The following TEX11 variants were observed in gnomAD, a reference collection of about 807,000 sequenced individuals.
TEX11 encodes testis-expressed protein 11.
In TEX11, 7 loss-of-function variants were observed where a neutral mutation model predicts 84.4. The ratio of observed to expected loss-of-function variants is 0.08; its 90% CI spans 0.05 to 0.16. The LOEUF (loss-of-function observed/expected upper bound fraction) is 0.16. TEX11 is among the 10% of genes least tolerant of loss of function. The pLI is 1.00. For missense variants in TEX11, 551 were observed against 660.5 expected, an observed-to-expected ratio of 0.83 and a Z score of 1.82; for synonymous variants, 264 against 222.8, an observed-to-expected ratio of 1.18 and a Z score of -1.64.
intron 12 of TEX11, among the ~76,000 whole-genome samples, chrX:70,724,666 G>A (rs2090585982): frequency 9.0e-6 from 1 of 111,228 alleles, no homozygotes; most frequent in Admixed American, 9.6e-5. Flanking sequence ...AATAACTACA[G>A]TAATAGGTAA....
intron 9 of TEX11, among the ~76,000 whole-genome samples, chrX:70,782,712 TA>T (rs1350467778): frequency 1.2e-5 from 1 of 81,413 alleles, no homozygotes; most frequent in Non-Finnish European, 2.3e-5. Flanking sequence ...TTTAAACCAG[TA>T]AAGATCAAAA....
At chrX:70,733,537 A>G (rs1420236033) in intron 11 of TEX11, among the ~76,000 whole-genome samples, 1 of 112,167 alleles carries the variant, frequency 8.9e-6, no homozygotes, top group Non-Finnish European at 1.9e-5. Flanking sequence ...ATACAGCCAA[A>G]AAAAACACAT....
chrX:70,793,687 T>C (rs1337717247), intron 9 of TEX11, among the ~76,000 whole-genome samples: 1 of 111,645 alleles, frequency 9.0e-6, no homozygotes, highest in Non-Finnish European at 1.9e-5. Flanking sequence ...TTTTTTCTTA[T>C]AAATTAAAAC....
intron 9 of TEX11, among the ~76,000 whole-genome samples, chrX:70,753,294 C>A (rs1204182774): frequency 3.6e-5 from 4 of 110,800 alleles, no homozygotes; most frequent in African/African-American, 1.3e-4. Flanking sequence ...TCTCTCCTAA[C>A]CCCAGGCTGC....
intron 20 of TEX11, among the ~76,000 whole-genome samples, chrX:70,615,348 ATAAT>A (rs1273265757): frequency 7.1e-5 from 8 of 112,017 alleles, no homozygotes; most frequent in African/African-American, 2.3e-4. Flanking sequence ...AGAAATTAAA[ATAAT>A]TAAGAATCAA....
chrX:70,685,130 G>A (rs781429477), intron 13 of TEX11, among the ~76,000 whole-genome samples: 2 of 112,131 alleles, frequency 1.8e-5, no homozygotes, highest in South Asian at 3.7e-4. Flanking sequence ...TCAGAAGGCC[G>A]AGGTTGGTGG....
chrX:70,790,295 G>A (rs1336893331), intron 9 of TEX11, among the ~76,000 whole-genome samples: 1 of 111,714 alleles, frequency 9.0e-6, no homozygotes, highest in East Asian at 2.8e-4. Flanking sequence ...AAAGTCAACA[G>A]AGAGGCAACA....
At position 70,663,570 on chromosome X, in the gene TEX11, G is replaced by A. The variant is rs183458162; in HGVS notation, c.1380+6807C>T. 4.5e-5 allele frequency among the ~76,000 whole-genome samples: 5 copies of A among 111,330 alleles called. No individual in the cohort carries two copies. The Admixed American group carries it at 4.8e-4, about 11-fold the overall frequency. ...AGTGCCTTCCTCTTGGCACACTTGG[G>A]TTTGTCAATATCCTCCTTTATAAGT... On this transcript the variant is annotated intron_variant, in intron 16 of 29. Coordinates refer to ENST00000374333, the MANE Select transcript of TEX11 (RefSeq NM_031276.3).
intron 8 of TEX11, among the ~76,000 whole-genome samples, chrX:70,808,425 C>G (rs934843966): frequency 1.8e-5 from 2 of 108,560 alleles, no homozygotes; most frequent in Non-Finnish European, 3.8e-5. Flanking sequence ...ATCGCTTGAA[C>G]CCGGAAGGCA....
intron 2 of TEX11, among the ~76,000 whole-genome samples, chrX:70,907,358 G>C (rs2091839184): frequency 9.0e-6 from 1 of 111,302 alleles, no homozygotes; most frequent in South Asian, 3.8e-4. Context: ...GAGAAAACCT[G>C]GTGCTATGGA....
At chrX:70,780,045 T>G (rs370172796) in intron 9 of TEX11, among the ~76,000 whole-genome samples, 2 of 111,403 alleles carry the variant, frequency 1.8e-5, no homozygotes, top group African/African-American at 6.5e-5. Flanking sequence ...GGTGTGCAGA[T>G]TGCCTGAGGT....
rs780101019 is a variant in TEX11, at chrX:70,713,259, T to G, written c.1004+9359A>C. Among the ~76,000 whole-genome samples the G allele has an allele frequency of 4.2e-3, 472 of 111,866 alleles. 3 individuals are homozygous for G. The highest frequency in any genetic ancestry group is 6.7e-3 in the Non-Finnish European group (354 of 53,137). On this transcript the variant is annotated intron_variant, in intron 13 of 29. Coordinates refer to ENST00000374333, the MANE Select transcript of TEX11 (RefSeq NM_031276.3). ...ATATTGGTCTAAAATTCTCTTTTTT[T>G]GTTGTGCCTCTACCAGGCTTTGGTA...
chrX:70,579,530 A>AAAAAAAAAAAAAAAAAAAAAAAAAC, intron 25 of TEX11, among the ~76,000 whole-genome samples: 1 of 103,135 alleles, frequency 9.7e-6, no homozygotes, highest in Admixed American at 1.1e-4. Context: ...AAAAAAAAAA[A>AAAAAAAAAAAAAAAAAAAAAAAAAC]AAAACAAAAA....
At chrX:70,579,879 C>A (rs993124015) in intron 25 of TEX11, among the ~76,000 whole-genome samples, 3 of 111,941 alleles carry the variant, frequency 2.7e-5, no homozygotes, top group African/African-American at 9.7e-5. Context: ...AAAAAGGGAA[C>A]CCTTGTACAC....
intron 2 of TEX11, among the ~76,000 whole-genome samples, chrX:70,905,142 G>T (rs1022515880): frequency 9.0e-6 from 1 of 111,582 alleles, no homozygotes; most frequent in Non-Finnish European, 1.9e-5. Context: ...GGGCAACACA[G>T]CGAAACCCCA....
chrX:70,680,509 C>T (rs1430156856), intron 14 of TEX11, among the ~76,000 whole-genome samples: 1 of 91,827 alleles, frequency 1.1e-5, no homozygotes, highest in East Asian at 3.5e-4. Flanking sequence ...TATCTGCTGA[C>T]CTTCCCTCCA....
At chrX:70,665,968 T>C (rs2089972345) in intron 16 of TEX11, among the ~76,000 whole-genome samples, 1 of 111,913 alleles carries the variant, frequency 8.9e-6, no homozygotes, top group Non-Finnish European at 1.9e-5. Flanking sequence ...ATGGAATTCC[T>C]ATATCAGAAG....
chrX:70,570,110 G>A (rs1195433868), intron 25 of TEX11, among the ~76,000 whole-genome samples: 1 of 111,869 alleles, frequency 8.9e-6, no homozygotes, highest in African/African-American at 3.2e-5. Flanking sequence ...CTGGGCAATG[G>A]CAGGCACCCC....
intron 13 of TEX11, among the ~76,000 whole-genome samples, chrX:70,699,179 C>A (rs1032794505): frequency 9.0e-6 from 1 of 111,373 alleles, no homozygotes; most frequent in African/African-American, 3.3e-5. Flanking sequence ...CCAGTGACTT[C>A]CAGCCTAGAC....
Sources: gnomAD v4.1 joint callset for allele counts (sites outside exome capture counted in the v4.1 genomes callset) on GRCh38, gnomAD v4.1.1 for gene constraint, MANE v1.5 for transcripts, NCBI Gene and HGNC (gene_info 2026-07-23, HGNC 2026-07-21) for gene names.